The following KCNH8 variants were observed in gnomAD, a reference collection of about 807,000 sequenced individuals.
The protein encoded by KCNH8 is potassium voltage-gated channel subfamily H member 8.
Under a neutral mutation model 103.6 loss-of-function variants are expected in KCNH8, and 70 were observed. The observed-to-expected ratio is 0.68, with a 90% CI of 0.56 to 0.82. The LOEUF (loss-of-function observed/expected upper bound fraction) is 0.82. KCNH8 is among the 40% of genes least tolerant of loss of function. KCNH8 has a pLI of 0.00. For synonymous variants in KCNH8, 498 were observed against 489.4 expected (o/e 1.02, Z -0.23); for missense variants, 1,217 against 1,329.9 (o/e 0.92, Z 1.32).
chr3:19,321,375 C>T (rs1486522764), intron 3 of KCNH8, among the ~76,000 whole-genome samples: 1 of 151,694 alleles, frequency 6.6e-6, no homozygotes, highest in Admixed American at 6.6e-5. Context: ...GGTATTGATA[C>T]ATTGTGTCAC....
At chr3:19,327,807 C>T (rs529937761) in intron 3 of KCNH8, among the ~76,000 whole-genome samples, 57 of 152,206 alleles carry the variant, frequency 3.7e-4, no homozygotes, top group East Asian at 1.2e-3. Flanking sequence ...CAAATCAATG[C>T]CGGGTCTACT....
At chr3:19,198,023 C>T (rs188319254) in intron 1 of KCNH8, among the ~76,000 whole-genome samples, 2 of 151,996 alleles carry the variant, frequency 1.3e-5, no homozygotes, top group East Asian at 1.9e-4. Flanking sequence ...GAAAGGTTTT[C>T]GGAAAGGTTG....
intron 3 of KCNH8, among the ~76,000 whole-genome samples, chr3:19,313,168 T>C (rs2065227792): frequency 6.6e-6 from 1 of 151,906 alleles, no homozygotes; most frequent in Non-Finnish European, 1.5e-5. Context: ...TTCTTTATTA[T>C]GTGGTGTGTG....
At chr3:19,207,482 G>A (rs1170759417) in intron 1 of KCNH8, among the ~76,000 whole-genome samples, 1 of 151,934 alleles carries the variant, frequency 6.6e-6, no homozygotes, top group African/African-American at 2.4e-5. Flanking sequence ...AAGTGGATCT[G>A]TGGGCCTAGA....
chr3:19,362,937 C>G (rs1194121483), intron 5 of KCNH8, among the ~76,000 whole-genome samples: 2 of 152,148 alleles, frequency 1.3e-5, no homozygotes, highest in Non-Finnish European at 2.9e-5. Flanking sequence ...CAGGCATGAG[C>G]CACTGTGCCC....
intron 8 of KCNH8, among the ~76,000 whole-genome samples, chr3:19,446,257 T>G (rs976092373): frequency 2.0e-5 from 3 of 152,000 alleles, no homozygotes; most frequent in South Asian, 2.1e-4. Flanking sequence ...CCCCAGTTGA[T>G]AGAGTCATCA....
chr3:19,499,788 A>C (rs2068533819), intron 11 of KCNH8, among the ~76,000 whole-genome samples: 1 of 152,236 alleles, frequency 6.6e-6, no homozygotes, highest in Non-Finnish European at 1.5e-5. Context: ...TCCTGAAGGA[A>C]GCGCTAAACA....
chr3:19,289,438 C>A (rs1005669585), intron 3 of KCNH8, among the ~76,000 whole-genome samples: 2 of 152,084 alleles, frequency 1.3e-5, no homozygotes, highest in African/African-American at 2.4e-5. Context: ...TCAGCTTTCT[C>A]CATATGGCTA....
intron 3 of KCNH8, among the ~76,000 whole-genome samples, chr3:19,281,742 T>A (rs2125274593): frequency 6.6e-6 from 1 of 152,228 alleles, no homozygotes; most frequent in African/African-American, 2.4e-5. Context: ...AGTGTAGTTA[T>A]GTACAAAGTT....
intron 3 of KCNH8, among the ~76,000 whole-genome samples, chr3:19,309,305 A>G (rs1455034726): frequency 6.6e-6 from 1 of 151,982 alleles, no homozygotes; most frequent in Non-Finnish European, 1.5e-5. Context: ...CATTTTATGC[A>G]AGTTACCAAG....
intron 1 of KCNH8, among the ~76,000 whole-genome samples, chr3:19,247,713 A>T (rs1196423584): frequency 6.6e-6 from 1 of 152,208 alleles, no homozygotes; most frequent in East Asian, 1.9e-4. Flanking sequence ...TGAACTATAA[A>T]TGTCTCAATT....
chr3:19,173,917 A>C (rs1305065476), intron 1 of KCNH8, among the ~76,000 whole-genome samples: 1 of 150,512 alleles, frequency 6.6e-6, no homozygotes, highest in African/African-American at 2.4e-5. Context: ...TTGACATCTG[A>C]CTGTTCTCAC....
intron 5 of KCNH8, among the ~76,000 whole-genome samples, chr3:19,385,742 T>G (rs2066347902): frequency 6.6e-6 from 1 of 152,144 alleles, no homozygotes; most frequent in Admixed American, 6.6e-5. Context: ...ACCTTCTAGC[T>G]CAAATTTGCT....
chr3:19,498,160 T>C (rs2068485756), intron 11 of KCNH8, among the ~76,000 whole-genome samples: 1 of 152,172 alleles, frequency 6.6e-6, no homozygotes, highest in Non-Finnish European at 1.5e-5. Context: ...CTCTTGAAGA[T>C]GGCATACCAG....
chr3:19,286,734 G>A (rs1318390426), intron 3 of KCNH8, among the ~76,000 whole-genome samples: 5 of 152,076 alleles, frequency 3.3e-5, no homozygotes, highest in African/African-American at 9.7e-5. Context: ...TGATTTTTGT[G>A]TTGTATTGTT....
rs148657001 is a variant in KCNH8 at position 19,328,004 on chromosome 3, C to T, written c.443-14583C>T. ...CTCAATAAGTGTTACTTTATTTCTT[C>T]CTGTTTCTACATGTCTCTCTCTCTG... is the stretch of plus-strand genomic sequence containing the variant. On this transcript the variant is annotated intron_variant, in intron 3 of 15. Transcript: ENST00000328405. Among the ~76,000 whole-genome samples, 733 of 152,210 alleles carry T rather than the reference C, an allele frequency of 4.8e-3. 4 individuals carry two copies. Among genetic ancestry groups the T allele is most frequent in the Middle Eastern group, 0.014 (4 of 294 alleles).
chr3:19,158,482 A>G (rs2063202682), intron 1 of KCNH8, among the ~76,000 whole-genome samples: 1 of 151,846 alleles, frequency 6.6e-6, no homozygotes, highest in African/African-American at 2.4e-5. Flanking sequence ...ATTGAAAAAA[A>G]TCCTGATGGT....
rs959295326 is a variant in KCNH8, at chr3:19,535,316, C to T, written c.*1217C>T. Reference sequence around the variant, plus strand: ...CACTTTACCTTTTTTCTTTAAGGCTCCCAACAATGCTATACAGCGCAGTTG... The same window carrying T: ...CACTTTACCTTTTTTCTTTAAGGCTTCCAACAATGCTATACAGCGCAGTTG... On this transcript the variant is annotated 3_prime_UTR_variant, in exon 16 of 16. Transcript: ENST00000328405. The T allele has an allele frequency of 3.9e-5, 6 of 152,110 alleles. No homozygotes were observed. The highest frequency in any genetic ancestry group is 1.3e-4 in the Admixed American group (2 of 15,274). 9.4% of individuals were successfully genotyped at this position (152,110 alleles called of 1,614,324 possible).
chr3:19,293,420 T>G (rs1174819299), intron 3 of KCNH8, among the ~76,000 whole-genome samples: 6 of 152,212 alleles, frequency 3.9e-5, no homozygotes, highest in Non-Finnish European at 1.5e-5. Flanking sequence ...TTAAAATCCT[T>G]ACTATTCAAA....
Sources: gnomAD v4.1 joint callset for allele counts (sites outside exome capture counted in the v4.1 genomes callset) on GRCh38, gnomAD v4.1.1 for gene constraint, MANE v1.5 for transcripts, NCBI Gene and HGNC (gene_info 2026-07-23, HGNC 2026-07-21) for gene names.